The following DYNC2H1 variants were observed in gnomAD, a reference collection of about 807,000 sequenced individuals.
The protein encoded by DYNC2H1 is cytoplasmic dynein 2 heavy chain 1.
Under a neutral mutation model 570.0 loss-of-function variants are expected in DYNC2H1, and 410 were observed. The ratio of observed to expected loss-of-function variants is 0.72; its 90% CI spans 0.66 to 0.78. The LOEUF is 0.78. Ranked by LOEUF, DYNC2H1 falls within the 30% of genes least tolerant of loss-of-function variation. The pLI is 0.00. For synonymous variants in DYNC2H1, 1,688 were observed against 1,677.6 expected (o/e 1.01, Z -0.15); for missense variants, 4,865 against 5,046.4 (o/e 0.96, Z 1.09).
In DYNC2H1 at chr11:103,239,297, T is replaced by C. The variant is rs1176532967; in HGVS notation, c.9819+2758T>C. Among the ~76,000 whole-genome samples the C allele has an allele frequency of 6.6e-6, 1 of 152,084 alleles. No homozygotes were observed. The highest frequency in any genetic ancestry group is 1.5e-5 in the Non-Finnish European group (1 of 67,968). ...CTAATGTGATACTAGTCTAAGAATA[T>C]AAAATTATAATGGTAAATTTACAAC... On this transcript the variant is annotated intron_variant, in intron 63 of 88. Transcript: ENST00000375735. This position sits in a 1 kb window ranked among gnomAD's most constrained non-coding sequence, Gnocchi z 4.3.
At chr11:103,294,177 T>G (rs1416415870) in intron 75 of DYNC2H1, among the ~76,000 whole-genome samples, 1 of 152,242 alleles carries the variant, frequency 6.6e-6, no homozygotes, top group Non-Finnish European at 1.5e-5. Context: ...TCGGAGAGGT[T>G]ACATATCTCT....
intron 74 of DYNC2H1, among the ~76,000 whole-genome samples, 153 bp from the exon 75 acceptor site, chr11:103,287,380 G>A (rs897763526): frequency 6.6e-6 from 1 of 152,148 alleles, no homozygotes; most frequent in African/African-American, 2.4e-5. Flanking sequence ...TATACCTATT[G>A]TGACAGTTTA....
intron 5 of DYNC2H1, 48 bp downstream of exon 5, chr11:103,116,762 TTTG>T: frequency 1.3e-6 from 2 of 1,527,588 alleles, no homozygotes; most frequent in Non-Finnish European, 8.8e-7. Context: ...CCTGTCTTAT[TTTG>T]TTATCTTTTT....
rs1317303470 is a variant in DYNC2H1 at position 103,170,374 on chromosome 11, T to TA, written c.5151+89dup. On this transcript the variant is annotated intron_variant, in intron 33 of 88. Coordinates refer to ENST00000375735, the MANE Select transcript of DYNC2H1 (RefSeq NM_001377.3). This position sits in a 1 kb window ranked among gnomAD's most constrained non-coding sequence, Gnocchi z 4.8. ...CTATTAGTATATGAAATACTCTACT[T>TA]AAAAATCACTACATTTAAATTAGTT... 13 of 1,241,138 alleles carry TA rather than the reference T, an allele frequency of 1.0e-5. No individual in the cohort carries two copies. The highest frequency in any genetic ancestry group is 1.3e-5 in the Non-Finnish European group (12 of 930,358). The allele number at this position is 1,241,138 out of a possible 1,614,324, so 76.9% of individuals were successfully genotyped here. A position where few individuals can be genotyped will look rare whatever the true frequency, so the allele number is the denominator to read the frequency against.
chr11:103,137,629 G>A (rs112303313), intron 17 of DYNC2H1, among the ~76,000 whole-genome samples: 1 of 152,056 alleles, frequency 6.6e-6, no homozygotes, highest in African/African-American at 2.4e-5. Flanking sequence ...GGTTACTGTA[G>A]CCTTGTAGTA....
intron 78 of DYNC2H1, among the ~76,000 whole-genome samples, chr11:103,310,232 T>C (rs1867512055): frequency 6.6e-6 from 1 of 152,088 alleles, no homozygotes. Flanking sequence ...TCTTCTTTTT[T>C]CTGTTTTCCT....
chr11:103,174,637 G>T (rs1054858288), intron 36 of DYNC2H1, among the ~76,000 whole-genome samples: 19 of 152,132 alleles, frequency 1.2e-4, no homozygotes, highest in African/African-American at 4.6e-4. Flanking sequence ...AACACATGTA[G>T]GATTTTCTCT....
At chr11:103,379,405 T>C (rs1941544385) in intron 83 of DYNC2H1, among the ~76,000 whole-genome samples, 1 of 152,198 alleles carries the variant, frequency 6.6e-6, no homozygotes, top group Non-Finnish European at 1.5e-5. Context: ...GTTTGTAAAA[T>C]ACAGTTTTCC....
In DYNC2H1 at chr11:103,176,309, C is replaced by A; in HGVS notation, c.5749C>A (p.Arg1917=). The change falls in exon 37 of 89, where the codon CGG becomes AGG. Residue 1917 remains arginine (R), a synonymous_variant. Coordinates refer to ENST00000375735, the MANE Select transcript of DYNC2H1 (RefSeq NM_001377.3). ...MSKFTFTDCT[R]FDALIKDVFP... ...AAAGTTTACGTTTACTGATTGCACC[C>A]GGTTTGATGCACTGATAAAAGATGT... is the stretch of plus-strand genomic sequence containing the variant. The A allele has an allele frequency of 6.4e-7, 1 of 1,555,766 alleles. No individual in the cohort carries two copies. Among genetic ancestry groups the A allele is most frequent in the African/African-American group, 1.4e-5 (1 of 73,104 alleles).
chr11:103,165,013 A>G (rs1450275168), intron 30 of DYNC2H1, among the ~76,000 whole-genome samples: 1 of 152,236 alleles, frequency 6.6e-6, no homozygotes, highest in Non-Finnish European at 1.5e-5. Flanking sequence ...CATATACCTG[A>G]TTAAAGAAAC....
Position 103,168,843 on chromosome 11 carries a change from G to A in DYNC2H1, c.4851G>A (p.Gln1617=). The A allele has an allele frequency of 6.2e-7, 1 of 1,613,202 alleles. No homozygotes were observed. Among genetic ancestry groups the A allele is most frequent in the East Asian group, 2.2e-5 (1 of 44,732 alleles). Residue 1617 remains glutamine, a synonymous_variant, in exon 32 of 89, where the codon CAG becomes CAA. Coordinates refer to ENST00000375735, the MANE Select transcript of DYNC2H1 (RefSeq NM_001377.3). ...TGGTAAAGCAGTTAAACCAAATTCA[G>A]GTTCATACAACTGAAGACTGGGCTT... ...IDVVKQLNQI[Q]VHTTEDWAWK...
rs537208620 is a variant in DYNC2H1, at chr11:103,366,346, CTATTA to C, written c.12156+7992_12156+7996del. Among the ~76,000 whole-genome samples the C allele has an allele frequency of 6.2e-3, 948 of 152,062 alleles. 9 individuals carry two copies. Among genetic ancestry groups the C allele is most frequent in the African/African-American group, 0.016 (667 of 41,480 alleles). ...GAGTCAAAGTTAAAGTCTTTGTGGT[CTATTA>C]TATTCATGCATTTTAAGGTAAAACA... On this transcript the variant is annotated intron_variant, in intron 83 of 88. Transcript: ENST00000375735.
rs1432830461 is a variant in DYNC2H1 at position 103,380,320 on chromosome 11, T to C, written c.12157-19343T>C. ...ACGTAATAACCACTTCCCTCTCCAG[T>C]CATTTGTTTTCTCATTTGTTTATTT... On this transcript the variant is annotated intron_variant, in intron 83 of 88. Transcript: ENST00000375735. Among the ~76,000 whole-genome samples the C allele has an allele frequency of 2.0e-5, 3 of 152,328 alleles. No homozygotes were observed. In the East Asian group the frequency reaches 5.8e-4, roughly 29 times the overall value.
In DYNC2H1 at chr11:103,181,689, G is replaced by T. The variant is rs1241510880; in HGVS notation, c.6348-68G>T. On this transcript the variant is annotated intron_variant, in intron 39 of 88. Coordinates refer to ENST00000375735, the MANE Select transcript of DYNC2H1 (RefSeq NM_001377.3). The surrounding 1 kb of genome is among the most constrained non-coding windows in gnomAD (Gnocchi z 5.0). ...GCGTAGAATAATGTTTATTGGAGAA[G>T]AAATTTATTTTAATGTAAATTGATA... 1 of 1,454,750 alleles carries T rather than the reference G, an allele frequency of 6.9e-7. No homozygotes were observed. The highest frequency in any genetic ancestry group is 9.2e-7 in the Non-Finnish European group (1 of 1,084,216). The allele number at this position is 1,454,750 out of a possible 1,614,324, so 90.1% of individuals were successfully genotyped here.
At chr11:103,429,546 C>A (rs1943813744) in intron 84 of DYNC2H1, among the ~76,000 whole-genome samples, 1 of 152,126 alleles carries the variant, frequency 6.6e-6, no homozygotes, top group East Asian at 1.9e-4. Context: ...CTACAATCTG[C>A]TCTAACTTTT....
intron 25 of DYNC2H1, 69 bp downstream of exon 25, chr11:103,155,570 TG>T: frequency 6.9e-7 from 1 of 1,450,810 alleles, no homozygotes; most frequent in South Asian, 1.5e-5. Flanking sequence ...CTTCATATTT[TG>T]TTTAAATACA....
intron 39 of DYNC2H1, among the ~76,000 whole-genome samples, chr11:103,180,399 G>A (rs979788866): frequency 1.2e-4 from 18 of 151,668 alleles, no homozygotes; most frequent in African/African-American, 4.3e-4. Flanking sequence ...TGGAATATAA[G>A]TGAACTAAGC....
chr11:103,237,949 T>A (rs1373216544), intron 63 of DYNC2H1, among the ~76,000 whole-genome samples: 1 of 152,188 alleles, frequency 6.6e-6, no homozygotes, highest in Non-Finnish European at 1.5e-5. Context: ...TTAACATTGC[T>A]AAGTTCCTTT....
rs1424354697 is a variant in DYNC2H1, at chr11:103,147,835, C to T, written c.2766C>T (p.Leu922=). The T allele has an allele frequency of 1.9e-6, 3 of 1,611,926 alleles. No homozygotes were observed. The highest frequency in any genetic ancestry group is 4.5e-5 in the East Asian group (2 of 44,656). Residue 922 remains leucine, a synonymous_variant, in exon 19 of 89, where the codon CTC becomes CTT. Coordinates refer to ENST00000375735, the MANE Select transcript of DYNC2H1 (RefSeq NM_001377.3). ...CNPVKTVIDD[L]IQKLFDLLVL... ...CTGTGAAGACTGTGATTGATGATCT[C>T]ATCCAGAAGTTATTTGATCTGCTTG...
Sources: gnomAD v4.1 joint callset for allele counts (sites outside exome capture counted in the v4.1 genomes callset) on GRCh38, gnomAD v4.1.1 for gene constraint, Gnocchi (gnomAD v3.1) non-coding constraint, MANE v1.5 for transcripts, NCBI Gene and HGNC (gene_info 2026-07-23, HGNC 2026-07-21) for gene names.